MACF1: variants seen among roughly 807,000 people sequenced by gnomAD.
The protein encoded by MACF1 is microtubule-actin cross-linking factor 1.
MACF1 carries 193 observed loss-of-function variants against 854.8 expected under a neutral mutation model. The observed-to-expected ratio is 0.23, with a 90% confidence interval of 0.20 to 0.25. The LOEUF is 0.25. Among genes scored for constraint, MACF1 ranks in the 10% least tolerant of loss-of-function variants. The probability of loss-of-function intolerance (pLI) is 1.00; values close to 1 mark genes in which losing one functional copy is unlikely to be tolerated. For synonymous variants in MACF1, 3,185 were observed against 3,226.7 expected, an observed-to-expected ratio of 0.99 and a Z score of 0.44; for missense variants, 7,722 against 8,929.1, an observed-to-expected ratio of 0.86 and a Z score of 5.45.
chr1:39,292,788 A>C lies in MACF1; in HGVS notation c.1937A>C (p.His646Pro). 6.2e-7 allele frequency: 1 copy of C among 1,612,040 alleles called. No homozygotes were observed. Among genetic ancestry groups the C allele is most frequent in the Non-Finnish European group, 8.5e-7 (1 of 1,179,236 alleles). Reference sequence around the variant, plus strand: ...CAGGGAAAGATGTCCCAGAATTTCCATACCAGCTATGCTGAAACTCTTGGA... The same window carrying C: ...CAGGGAAAGATGTCCCAGAATTTCCCTACCAGCTATGCTGAAACTCTTGGA... ...LYEGKMSQNF[H>P]TSYAETLGKL... The change falls in exon 17 of 101, where the codon CAT (histidine) becomes CCT (proline). Residue 646 changes from histidine (H) to proline (P), a missense_variant. His to Pro is a moderately conservative substitution (Grantham distance 77). Around this residue, in one of 15 missense-constraint regions of MACF1, gnomAD observed 1,137 missense variants for 1,263.0 expected, o/e 0.90. Transcript: ENST00000564288.
intron 50 of MACF1, 91 bp from the exon 51 acceptor site, chr1:39,369,939 T>A (rs538560896): frequency 5.1e-5 from 60 of 1,179,210 alleles, no homozygotes; most frequent in African/African-American, 3.5e-4. Context: ...GTTAGGTAAC[T>A]GATGTCTGGA....
Position 39,409,291 on chromosome 1 carries a change from G to C in MACF1, c.15817-13083G>C, listed in dbSNP as rs1403823086. Reference sequence around the variant, plus strand: ...TCATGCAGCCCACGGCGTGGCGGCTGCGGGCCGGGGACTGGCGGCGGCGGG... The same window carrying C: ...TCATGCAGCCCACGGCGTGGCGGCTCCGGGCCGGGGACTGGCGGCGGCGGG... On this transcript the variant is annotated intron_variant, in intron 58 of 100. Transcript: ENST00000564288. This position sits in a 1 kb window ranked among gnomAD's most constrained non-coding sequence, Gnocchi z 4.2. 6.6e-6 allele frequency among the ~76,000 whole-genome samples: 1 copy of C among 152,082 alleles called. No individual in the cohort carries two copies. Among genetic ancestry groups the C allele is most frequent in the Admixed American group, 6.5e-5 (1 of 15,272 alleles).
chr1:39,219,331 A>C (rs1024886160), intron 1 of MACF1, among the ~76,000 whole-genome samples: 3 of 152,204 alleles, frequency 2.0e-5, no homozygotes, highest in African/African-American at 7.2e-5. Context: ...TTGAATCTCA[A>C]TTCTGCTGTA....
chr1:39,458,576 T>G lies in MACF1; in HGVS notation c.21196+86T>G. 2.7e-6 allele frequency: 4 copies of G among 1,474,070 alleles called. No homozygotes were observed. In the African/African-American group the frequency reaches 4.2e-5, roughly 16 times the overall value. 91.3% of individuals were successfully genotyped at this position (1,474,070 alleles called of 1,614,324 possible). Reference sequence around the variant, plus strand: ...TCCAAATGCCTATCAAAAAAAATTATATTCCATTTTCAAAAACCGTGTTGG... The same window carrying G: ...TCCAAATGCCTATCAAAAAAAATTAGATTCCATTTTCAAAAACCGTGTTGG... On this transcript the variant is annotated intron_variant, in intron 90 of 100. Transcript: ENST00000564288.
intron 51 of MACF1, among the ~76,000 whole-genome samples, chr1:39,371,242 T>G (rs1195989734): frequency 6.8e-6 from 1 of 146,544 alleles, no homozygotes; most frequent in Non-Finnish European, 1.5e-5. Flanking sequence ...TGCTTGAACT[T>G]GGGAGGTGGA....
At chr1:39,217,385 C>T (rs967275076) in intron 1 of MACF1, among the ~76,000 whole-genome samples, 1 of 151,968 alleles carries the variant, frequency 6.6e-6, no homozygotes, top group African/African-American at 2.4e-5. Flanking sequence ...AACGATTCTC[C>T]TGCCTCAGCC....
intron 74 of MACF1, among the ~76,000 whole-genome samples, chr1:39,441,685 A>C (rs1644120925): frequency 6.6e-6 from 1 of 152,214 alleles, no homozygotes; most frequent in Non-Finnish European, 1.5e-5. Flanking sequence ...GCTAGCTGGG[A>C]TTGAAAAATC....
At position 39,322,878 on chromosome 1, in the gene MACF1, C is replaced by T. The variant is rs562865376; in HGVS notation, c.4138-32C>T. ...TATTTAAATTTCATTTTCTGGCAGA[C>T]GATTTATTTAAATTGTTCTTTTGAA... On this transcript the variant is annotated intron_variant, in intron 32 of 100. Transcript: ENST00000564288. 89 of 1,584,720 alleles carry T rather than the reference C, an allele frequency of 5.6e-5. No homozygotes were observed. In the East Asian group the frequency reaches 1.3e-3, roughly 24 times the overall value.
chr1:39,203,008 T>C (rs1274344855), upstream of MACF1, among the ~76,000 whole-genome samples: 4 of 152,116 alleles, frequency 2.6e-5, no homozygotes, highest in African/African-American at 9.7e-5. Flanking sequence ...TAAAACTCTT[T>C]CCTTTTGCTT....
intron 70 of MACF1, chr1:39,436,406 GTGT>G: frequency 1.3e-6 from 2 of 1,509,920 alleles, no homozygotes; most frequent in South Asian, 2.3e-5. Context: ...GTGTTACTTT[GTGT>G]TGTTGCTGCC....
chr1:39,254,554 TCA>T (rs879597042), intron 5 of MACF1, 179 bp downstream of exon 5: 1 of 572,898 alleles, frequency 1.7e-6, no homozygotes, highest in Admixed American at 3.1e-5. Flanking sequence ...CATTCAGTAC[TCA>T]CACAGAACTT....
intron 1 of MACF1, among the ~76,000 whole-genome samples, chr1:39,209,474 GGGT>G (rs1644491472): frequency 6.6e-6 from 1 of 152,012 alleles, no homozygotes; most frequent in Non-Finnish European, 1.5e-5. Context: ...TTCCTCTCTA[GGGT>G]CTTGTTTTCC....
intron 2 of MACF1, among the ~76,000 whole-genome samples, chr1:39,235,136 T>C: frequency 6.6e-6 from 1 of 152,096 alleles, no homozygotes; most frequent in East Asian, 2.0e-4. Context: ...TCTCGGCACT[T>C]TGGGAGGCCA....
At chr1:39,294,580 T>C (rs1246996408) in intron 18 of MACF1, among the ~76,000 whole-genome samples, 1 of 152,216 alleles carries the variant, frequency 6.6e-6, no homozygotes, top group Non-Finnish European at 1.5e-5. Context: ...TCTGAAAGCA[T>C]AGTAAGGATC....
chr1:39,106,111 C>CCT (rs1473694321), intron 2 of MACF1, among the ~76,000 whole-genome samples: 2 of 151,988 alleles, frequency 1.3e-5, no homozygotes, highest in African/African-American at 4.8e-5. Flanking sequence ...GGGGCTCGGA[C>CCT]CTCTGTGTGC....
chr1:39,379,590 T>A, intron 54 of MACF1, 146 bp downstream of exon 54: 1 of 853,292 alleles, frequency 1.2e-6, no homozygotes, highest in Non-Finnish European at 1.8e-6. Flanking sequence ...TCTAAATGAT[T>A]AATATGCCTT....
intron 6 of MACF1, chr1:39,268,502 A>T: frequency 8.6e-7 from 1 of 1,156,262 alleles, no homozygotes; most frequent in Non-Finnish European, 1.1e-6. Context: ...CTGAGCCTGT[A>T]AGATGGCTGT....
intron 2 of MACF1, among the ~76,000 whole-genome samples, chr1:39,195,626 G>A (rs1014794198): frequency 5.9e-5 from 9 of 152,164 alleles, no homozygotes; most frequent in African/African-American, 2.2e-4. Flanking sequence ...TAATTCTGTG[G>A]AAGTACTGGC....
intron 2 of MACF1, among the ~76,000 whole-genome samples, chr1:39,134,034 C>CTTTTTTTT (rs754585049): frequency 1.7e-4 from 12 of 71,632 alleles, no homozygotes; most frequent in East Asian, 5.0e-4. Context: ...GAAGAACAGT[C>CTTTTTTTT]TTTTTTTTTT....
Sources: allele counts gnomAD v4.1 joint callset (sites outside exome capture counted in the v4.1 genomes callset), GRCh38; gene constraint gnomAD v4.1.1; regional missense constraint gnomAD v4.1.1; non-coding constraint Gnocchi (gnomAD v3.1); transcripts MANE v1.5; gene names NCBI Gene and HGNC (gene_info 2026-07-23, HGNC 2026-07-21).